Variants in FAM111A observed in about 807,000 individuals in gnomAD.
FAM111A encodes FAM111 trypsin like peptidase A, also known as serine protease FAM111A.
Under a neutral mutation model 3.3 loss-of-function variants are expected in FAM111A, and 8 were observed. That is an observed-to-expected ratio of 2.39 (90% CI 1.40 to 4.32). FAM111A has a LOEUF of 4.32. Among genes scored for constraint, FAM111A ranks in the 30% most tolerant of loss-of-function variants. The probability of loss-of-function intolerance (pLI) is 0.00; values close to 1 mark genes in which losing one functional copy is unlikely to be tolerated. For missense variants in FAM111A, 683 were observed against 727.6 expected (o/e 0.94, Z 0.71); for synonymous variants, 227 against 243.1 (o/e 0.93, Z 0.62).
At position 59,153,904 on chromosome 11, in the gene FAM111A, AG is replaced by A. The variant is rs1359262515; in HGVS notation, c.*403del. On this transcript the variant is annotated 3_prime_UTR_variant, in exon 6 of 6. Coordinates refer to ENST00000675163, the MANE Select transcript of FAM111A (RefSeq NM_001312909.2). ...TTTTTTTTGTATTTTTAGTAGAGACAGGGTTTCACCATGTTGGTCAGGCGGG... is the reference window on the plus strand; with the variant it reads ...TTTTTTTTGTATTTTTAGTAGAGACAGGTTTCACCATGTTGGTCAGGCGGG... 2.6e-5 allele frequency: 4 copies of A among 151,658 alleles called. No individual in the cohort carries two copies. Among genetic ancestry groups the A allele is most frequent in the African/African-American group, 9.8e-5 (4 of 40,714 alleles). 9.4% of individuals were successfully genotyped at this position (151,658 alleles called of 1,614,324 possible).
chr11:59,149,244 C>A (rs1315178029), intron 5 of FAM111A: 1 of 267,352 alleles, frequency 3.7e-6, no homozygotes, highest in Non-Finnish European at 7.1e-6. Flanking sequence ...CAGGCACACT[C>A]ATTTTTTTTT....
At chr11:59,146,794 A>G (rs1233834340) in intron 4 of FAM111A, among the ~76,000 whole-genome samples, 1 of 152,240 alleles carries the variant, frequency 6.6e-6, no homozygotes, top group Non-Finnish European at 1.5e-5. Context: ...GGAGGTGAAC[A>G]TTCTATAGAG....
rs376810595 is a variant in FAM111A, at chr11:59,152,786, T to C, written c.1118T>C (p.Phe373Ser). The C allele has an allele frequency of 2.0e-5, 33 of 1,614,088 alleles. No homozygotes were observed. Among genetic ancestry groups the C allele is most frequent in the Non-Finnish European group, 2.7e-5 (32 of 1,180,032 alleles). The stretch of plus-strand genomic sequence containing the variant: ...GCAACTACGGGTTACGCCACCTGCT[T>C]TGTTTTTAAAGGATTGTTCATTTTA... ...DSATTGYATCFVFKGLFILTC... is the reference protein window; with the variant it reads ...DSATTGYATCSVFKGLFILTC... Residue 373 changes from phenylalanine (F) to serine (S), a missense_variant, in exon 6 of 6, where the codon TTT becomes TCT. Transcript: ENST00000675163.
At position 59,152,227 on chromosome 11, in the gene FAM111A, C is replaced by G. The variant is rs1311621890; in HGVS notation, c.559C>G (p.His187Asp). The change falls in exon 6 of 6, where the codon CAT (histidine) becomes GAT (aspartate). Residue 187 changes from histidine (H) to aspartate (D), a missense_variant. Around this residue, in one of 3 missense-constraint regions of FAM111A, gnomAD observed 557 missense variants for 600.2 expected, o/e 0.93. Coordinates refer to ENST00000675163, the MANE Select transcript of FAM111A (RefSeq NM_001312909.2). ...GACTGAATGTGTCAAATTTTACATT[C>G]ATGCAATTGGAATTGGGAAGTGTAA... The part of the protein sequence containing the change: ...ASTECVKFYI[H>D]AIGIGKCKRR... 2.1e-5 allele frequency: 34 copies of G among 1,614,132 alleles called. No individual in the cohort carries two copies. The highest frequency in any genetic ancestry group is 2.9e-5 in the Non-Finnish European group (34 of 1,180,020).
intron 5 of FAM111A, among the ~76,000 whole-genome samples, chr11:59,149,992 A>G (rs1222058527): frequency 6.6e-6 from 1 of 152,172 alleles, no homozygotes; most frequent in African/African-American, 2.4e-5. Context: ...CAATTTCTCA[A>G]CTTGTTTTGT....
At position 59,148,952 on chromosome 11, in the gene FAM111A, C is replaced by T. The variant is rs142539088; in HGVS notation, c.80C>T (p.Pro27Leu). The change falls in exon 5 of 6, where the codon CCG becomes CTG. Residue 27 changes from proline to leucine, a missense_variant and splice_region_variant. Transcript: ENST00000675163. ...ATGAAAATCGAGCACTATTTTTCTC[C>T]GGTATGTCTGTAAATTCTACTTATG... ...CNMKIEHYFS[P>L]VSKEQQNNCS... 1.2e-4 allele frequency: 189 copies of T among 1,606,626 alleles called. No individual in the cohort carries two copies. The highest frequency in any genetic ancestry group is 1.7e-4 in the Admixed American group (10 of 59,950).
intron 4 of FAM111A, among the ~76,000 whole-genome samples, chr11:59,146,961 G>A (rs1329261357): frequency 6.6e-6 from 1 of 152,112 alleles, no homozygotes; most frequent in Non-Finnish European, 1.5e-5. Flanking sequence ...TTAGAGATGG[G>A]AAGTGACCAT....
In FAM111A at chr11:59,153,230, A is replaced by G. The variant is rs528723833; in HGVS notation, c.1562A>G (p.Gln521Arg). 12 of 1,614,244 alleles carry G rather than the reference A, an allele frequency of 7.4e-6. No homozygotes were observed. The highest frequency in any genetic ancestry group is 1.0e-5 in the Non-Finnish European group (12 of 1,180,050). ...YVHMYTQRSFQKIVHNPDVIT... is the reference protein window; with the variant it reads ...YVHMYTQRSFRKIVHNPDVIT... ...CATATGTATACTCAAAGAAGTTTCC[A>G]GAAAATAGTTCACAACCCTGATGTG... Residue 521 changes from glutamine (Q) to arginine (R), a missense_variant, in exon 6 of 6, where the codon CAG (glutamine) becomes CGG (arginine). By Grantham distance (43) the Gln-to-Arg change is conservative. Transcript: ENST00000675163.
At chr11:59,151,048 A>G (rs988013667) in intron 5 of FAM111A, among the ~76,000 whole-genome samples, 2 of 152,126 alleles carry the variant, frequency 1.3e-5, no homozygotes, top group African/African-American at 4.8e-5. Context: ...TATTTCAAGA[A>G]CAATTTTTTT....
chr11:59,152,356 A>G lies in FAM111A; in HGVS notation c.688A>G (p.Arg230Gly). 2 of 1,614,202 alleles carry G rather than the reference A, an allele frequency of 1.2e-6. No individual in the cohort carries two copies. The highest frequency in any genetic ancestry group is 1.7e-6 in the Non-Finnish European group (2 of 1,180,038). ...CAAGGATGCACTGTGCAAGGATGGC[A>G]GATTTCTTTCCTTTCTGGAGAATGA... Reference protein sequence around the residue: ...TIKDALCKDGRFLSFLENDDW... With the variant: ...TIKDALCKDGGFLSFLENDDW... Residue 230 changes from arginine to glycine, a missense_variant, in exon 6 of 6, where the codon AGA becomes GGA. This residue lies in a region of FAM111A where 557 missense variants were observed against 600.2 expected (regional missense o/e 0.93). Coordinates refer to ENST00000675163, the MANE Select transcript of FAM111A (RefSeq NM_001312909.2).
At chr11:59,144,034 C>G (rs944566587) in intron 3 of FAM111A, 7 of 152,232 alleles carry the variant, frequency 4.6e-5, no homozygotes, top group Non-Finnish European at 8.8e-5. Flanking sequence ...ATTAGACTTA[C>G]AATGGGACTT....
chr11:59,150,342 A>G (rs1861491635), intron 5 of FAM111A, among the ~76,000 whole-genome samples: 1 of 152,172 alleles, frequency 6.6e-6, no homozygotes, highest in South Asian at 2.1e-4. Flanking sequence ...AAGAAGGAAA[A>G]CAAATGTTAA....
rs748840540 is a variant in FAM111A, at chr11:59,152,696, C to G, written c.1028C>G (p.Ser343Trp). The change falls in exon 6 of 6, where the codon TCG becomes TGG. Residue 343 changes from serine (S) to tryptophan (W), a missense_variant. Ser to Trp is a radical substitution (Grantham distance 177, BLOSUM62 -3). Transcript: ENST00000675163. ...TFGKVTKNSS[S>W]IKVVKLLVRL... ...GGGAAAGTAACAAAAAATTCTTCTT[C>G]GATTAAAGTAGTGAAACTTCTTGTA... The G allele has an allele frequency of 6.2e-7, 1 of 1,614,130 alleles. No homozygotes were observed. Among genetic ancestry groups the G allele is most frequent in the Non-Finnish European group, 8.5e-7 (1 of 1,180,008 alleles).
chr11:59,143,731 A>G (rs1445942513), intron 3 of FAM111A, 36 bp downstream of exon 3: 2 of 152,288 alleles, frequency 1.3e-5, no homozygotes, highest in East Asian at 3.9e-4. Flanking sequence ...AGCCATCTAC[A>G]CTCACATAGC....
intron 4 of FAM111A, 52 bp from the exon 5 acceptor site, chr11:59,148,745 A>G: frequency 1.5e-6 from 1 of 655,150 alleles, no homozygotes; most frequent in Non-Finnish European, 2.7e-6. Flanking sequence ...CTAAGGGGAA[A>G]GATGGGACGC....
At chr11:59,151,386 G>A (rs1861640900) in intron 5 of FAM111A, among the ~76,000 whole-genome samples, 1 of 152,176 alleles carries the variant, frequency 6.6e-6, no homozygotes, top group Non-Finnish European at 1.5e-5. Context: ...CCTGACCTCA[G>A]GTGATCCACC....
chr11:59,147,956 A>G (rs1233710701), intron 4 of FAM111A, among the ~76,000 whole-genome samples: 1 of 152,248 alleles, frequency 6.6e-6, no homozygotes, highest in African/African-American at 2.4e-5. Flanking sequence ...AGAACAGGGC[A>G]TAGTACACCA....
Position 59,145,863 on chromosome 11 carries a change from G to A in FAM111A, c.-77+7G>A, listed in dbSNP as rs1316174065. 1 of 151,908 alleles carries A rather than the reference G, an allele frequency of 6.6e-6. No individual in the cohort carries two copies. The highest frequency in any genetic ancestry group is 2.4e-5 in the African/African-American group (1 of 41,310). The allele number at this position is 151,908 out of a possible 1,614,324, so 9.4% of individuals were successfully genotyped here. A position where few individuals can be genotyped will look rare whatever the true frequency, so the allele number is the denominator to read the frequency against. On this transcript the variant is annotated splice_region_variant and intron_variant, in intron 4 of 5. Coordinates refer to ENST00000675163, the MANE Select transcript of FAM111A (RefSeq NM_001312909.2). ...TTTAAAAAGTATCCCTGTGGTGAGT[G>A]TATTGATATTGATAACATTTACATG... is the stretch of plus-strand genomic sequence containing the variant.
In FAM111A at chr11:59,152,500, G is replaced by A. The variant is rs764421917; in HGVS notation, c.832G>A (p.Ala278Thr). The change falls in exon 6 of 6, where the codon GCT becomes ACT. Residue 278 changes from alanine (A) to threonine (T), a missense_variant. By Grantham distance (58) the Ala-to-Thr change is moderately conservative (BLOSUM62 0). This residue lies in a region of FAM111A where 557 missense variants were observed against 600.2 expected (regional missense o/e 0.93). Transcript: ENST00000675163. ...VEKRMVPSAA[A>T]SQNPESEKRN... ...GAAAAGAATGGTCCCCAGTGCAGCA[G>A]CTTCTCAGAATCCTGAGTCAGAGAA... 6.2e-7 allele frequency: 1 copy of A among 1,614,122 alleles called. No homozygotes were observed. The highest frequency in any genetic ancestry group is 8.5e-7 in the Non-Finnish European group (1 of 1,180,026).
Sources: gnomAD v4.1 joint callset for allele counts (sites outside exome capture counted in the v4.1 genomes callset) on GRCh38, gnomAD v4.1.1 for gene constraint, gnomAD v4.1.1 regional missense constraint, MANE v1.5 for transcripts, NCBI Gene and HGNC (gene_info 2026-07-23, HGNC 2026-07-21) for gene names.